ADGRG6: variants seen among roughly 807,000 people sequenced by gnomAD.
The protein encoded by ADGRG6 is G-protein coupled receptor 126.
A neutral mutation model predicts 142.4 loss-of-function variants in ADGRG6; 84 were observed. The observed-to-expected ratio is 0.59, with a 90% CI of 0.49 to 0.71. The LOEUF is 0.71. Among genes scored for constraint, ADGRG6 ranks in the 30% least tolerant of loss-of-function variants. ADGRG6 has a pLI of 0.00. For synonymous variants in ADGRG6, 521 were observed against 520.5 expected, an observed-to-expected ratio of 1.00 and a Z score of -0.01; for missense variants, 1,367 against 1,466.6, an observed-to-expected ratio of 0.93 and a Z score of 1.11.
chr6:142,338,651 T>C (rs1779464775), intron 2 of ADGRG6, among the ~76,000 whole-genome samples: 1 of 152,098 alleles, frequency 6.6e-6, no homozygotes, highest in South Asian at 2.1e-4. Context: ...ATTTTAATAC[T>C]CAGCACAAAT....
chr6:142,323,169 T>G, intron 2 of ADGRG6, among the ~76,000 whole-genome samples: 1 of 152,052 alleles, frequency 6.6e-6, no homozygotes, highest in South Asian at 2.1e-4. Context: ...GGGCTATTGA[T>G]TGAAGCAAAC....
intron 4 of ADGRG6, among the ~76,000 whole-genome samples, chr6:142,371,344 T>A (rs1241276469): frequency 3.3e-5 from 5 of 151,962 alleles, no homozygotes; most frequent in Non-Finnish European, 5.9e-5. Context: ...TGTATTTTTT[T>A]AAAATAGAGA....
At chr6:142,401,444 C>T (rs1775520856) in intron 11 of ADGRG6, among the ~76,000 whole-genome samples, 1 of 152,096 alleles carries the variant, frequency 6.6e-6, no homozygotes, top group Non-Finnish European at 1.5e-5. Flanking sequence ...CCAATGTATC[C>T]TAGGTTAGGA....
chr6:142,404,697 A>G (rs1227698969), intron 14 of ADGRG6, among the ~76,000 whole-genome samples: 1 of 152,120 alleles, frequency 6.6e-6, no homozygotes, highest in Non-Finnish European at 1.5e-5. Flanking sequence ...TTGTTAAAAC[A>G]GATTTCTGGG....
At chr6:142,440,923 A>T (rs748297713) in intron 24 of ADGRG6, 1 of 1,489,276 alleles carries the variant, frequency 6.7e-7, no homozygotes. Flanking sequence ...GTCTCCTATG[A>T]GCATTCCTTC....
rs191357262 is a variant in ADGRG6, at chr6:142,311,918, C to T, written c.103+2274C>T. 3.4e-4 allele frequency among the ~76,000 whole-genome samples: 52 copies of T among 152,052 alleles called. 1 individual carries two copies. Among genetic ancestry groups the T allele is most frequent in the Admixed American group, 2.9e-3 (44 of 15,240 alleles). The stretch of plus-strand genomic sequence containing the variant: ...AAATTCCTCCTTCTATCCTCCTGTT[C>T]TCTCCTACTCTCACTATTTTGTAGA... On this transcript the variant is annotated intron_variant, in intron 2 of 24. Coordinates refer to ENST00000367609, the MANE Select transcript of ADGRG6 (RefSeq NM_198569.3).
chr6:142,302,788 C>G (rs1465439299), intron 1 of ADGRG6: 1 of 168,782 alleles, frequency 5.9e-6, no homozygotes, highest in Admixed American at 6.3e-5. Flanking sequence ...TCACCATTGA[C>G]TGTAGAAGTT....
At chr6:142,398,762 A>T (rs778743145) in intron 10 of ADGRG6, among the ~76,000 whole-genome samples, 4 of 152,168 alleles carry the variant, frequency 2.6e-5, no homozygotes, top group Non-Finnish European at 4.4e-5. Flanking sequence ...AAGTATAGAC[A>T]TCACTGCCTT....
chr6:142,401,389 C>T (rs1228909332), intron 11 of ADGRG6, among the ~76,000 whole-genome samples: 1 of 152,158 alleles, frequency 6.6e-6, no homozygotes, highest in East Asian at 1.9e-4. Flanking sequence ...GTTATGTGAA[C>T]TCAAAATCAG....
intron 2 of ADGRG6, among the ~76,000 whole-genome samples, chr6:142,337,140 C>A (rs918458112): frequency 2.0e-5 from 3 of 152,124 alleles, no homozygotes; most frequent in African/African-American, 7.2e-5. Flanking sequence ...AACTTCTTGC[C>A]ATTAGCATCC....
At chr6:142,324,761 T>G (rs1349872224) in intron 2 of ADGRG6, among the ~76,000 whole-genome samples, 3 of 152,174 alleles carry the variant, frequency 2.0e-5, no homozygotes, top group Non-Finnish European at 1.5e-5. Flanking sequence ...TATGTCTTGT[T>G]GCCATATTGT....
chr6:142,329,389 T>A (rs138699776), intron 2 of ADGRG6, among the ~76,000 whole-genome samples: 11 of 152,310 alleles, frequency 7.2e-5, no homozygotes, highest in African/African-American at 2.6e-4. Context: ...AAAGTAGCTA[T>A]AAAGAAGACA....
intron 2 of ADGRG6, among the ~76,000 whole-genome samples, chr6:142,318,102 TTATATATATTATATATTA>T (rs1488680312): frequency 0.014 from 2 of 142 alleles, no homozygotes; most frequent in Non-Finnish European, 0.023. Context: ...TTATATATAT[TTATATATATTATATATTA>T]TATATATTAT....
intron 9 of ADGRG6, among the ~76,000 whole-genome samples, chr6:142,395,760 C>T (rs1230156466): frequency 4.6e-5 from 7 of 151,920 alleles, no homozygotes; most frequent in African/African-American, 1.7e-4. Context: ...TGGCTCTTAC[C>T]CTCATTGGTG....
At chr6:142,440,816 A>C in intron 24 of ADGRG6, 1 of 674,504 alleles carries the variant, frequency 1.5e-6, no homozygotes, top group Non-Finnish European at 2.6e-6. Context: ...GGGATCACTC[A>C]AGGTATGCAA....
intron 2 of ADGRG6, among the ~76,000 whole-genome samples, chr6:142,345,369 A>T (rs114996244): frequency 6.6e-6 from 1 of 152,106 alleles, no homozygotes; most frequent in Admixed American, 6.6e-5. Context: ...GCTGATCACT[A>T]TAAACATTGT....
rs930977525 is a variant in ADGRG6 at position 142,446,018 on chromosome 6, T to G, written c.*2503T>G. On this transcript the variant is annotated 3_prime_UTR_variant, in exon 25 of 25. Coordinates refer to ENST00000367609, the MANE Select transcript of ADGRG6 (RefSeq NM_198569.3). ...GTTTATATATGTCAATTGGTTTCCT[T>G]TCTTAGCTTGATATTGCCTAGCTTT... 6.6e-5 allele frequency: 10 copies of G among 152,622 alleles called. No homozygotes were observed. The highest frequency in any genetic ancestry group is 2.4e-4 in the African/African-American group (10 of 41,448). The allele number at this position is 152,622 out of a possible 1,614,324, so 9.5% of individuals were successfully genotyped here.
At chr6:142,336,721 T>C (rs2114693295) in intron 2 of ADGRG6, among the ~76,000 whole-genome samples, 1 of 152,330 alleles carries the variant, frequency 6.6e-6, no homozygotes, top group East Asian at 1.9e-4. Context: ...TGCATATTTA[T>C]TACCTTCTTT....
rs1316802297 is a variant in ADGRG6 at position 142,351,097 on chromosome 6, C to T, written c.104-16472C>T. Among the ~76,000 whole-genome samples, 6 of 152,086 alleles carry T rather than the reference C, an allele frequency of 3.9e-5. No individual in the cohort carries two copies. The East Asian group carries it at 9.7e-4, about 25-fold the overall frequency. On this transcript the variant is annotated intron_variant, in intron 2 of 24. Transcript: ENST00000367609. ...AAAAAAGAAAATACAAAAAATTAGC[C>T]GGGCATGGTGGCGGGCACCTGTAGT... is the stretch of plus-strand genomic sequence containing the variant.
Sources: gnomAD v4.1 joint callset for allele counts (sites outside exome capture counted in the v4.1 genomes callset) on GRCh38, gnomAD v4.1.1 for gene constraint, MANE v1.5 for transcripts, NCBI Gene and HGNC (gene_info 2026-07-23, HGNC 2026-07-21) for gene names.